SHANK2: variants seen among roughly 807,000 people sequenced by gnomAD.
The protein encoded by SHANK2 is SH3 and multiple ankyrin repeat domains protein 2.
Under a neutral mutation model 133.7 loss-of-function variants are expected in SHANK2, and 43 were observed. The observed-to-expected ratio is 0.32, with a 90% CI of 0.25 to 0.41. SHANK2 has a LOEUF of 0.41. SHANK2 is among the 10% of genes least tolerant of loss of function. SHANK2 has a pLI of 1.00. For missense variants in SHANK2, 1,994 were observed against 2,235.8 expected (o/e 0.89, Z 2.18); for synonymous variants, 1,017 against 952.8 (o/e 1.07, Z -1.24).
At chr11:70,844,665 G>T (rs879990276) in intron 11 of SHANK2, among the ~76,000 whole-genome samples, 1 of 152,256 alleles carries the variant, frequency 6.6e-6, no homozygotes, top group Admixed American at 6.5e-5. Flanking sequence ...CCTCAGACAG[G>T]GATTATCTCA....
intron 17 of SHANK2, among the ~76,000 whole-genome samples, chr11:70,636,635 G>A (rs188104773): frequency 6.6e-6 from 1 of 152,188 alleles, no homozygotes; most frequent in East Asian, 1.9e-4. Context: ...GAGCATGTGT[G>A]CAAATGTGTG....
chr11:70,829,544 G>C (rs764433731), intron 11 of SHANK2, among the ~76,000 whole-genome samples: 3 of 152,120 alleles, frequency 2.0e-5, no homozygotes, highest in Non-Finnish European at 4.4e-5. Context: ...CATCTGGTTT[G>C]GGGGCATGCG....
At chr11:71,105,102 A>G (rs2135188044) in intron 6 of SHANK2, among the ~76,000 whole-genome samples, 1 of 152,310 alleles carries the variant, frequency 6.6e-6, no homozygotes, top group Non-Finnish European at 1.5e-5. Flanking sequence ...AGGCAAGTGG[A>G]TAAGCAAACT....
rs200913716 is a variant in SHANK2 at position 70,612,796 on chromosome 11, C to CT, written c.2061+47031dup. On this transcript the variant is annotated intron_variant, in intron 17 of 25. Transcript: ENST00000601538. ...CAAATTTTACAGATATCATTTTGGC[C>CT]TTTTTTTCTTTGGAACTTTCCATAC... Among the ~76,000 whole-genome samples the CT allele has an allele frequency of 1.3e-3, 203 of 152,292 alleles. 1 individual carries two copies. The highest frequency in any genetic ancestry group is 4.4e-3 in the African/African-American group (182 of 41,570).
intron 2 of SHANK2, among the ~76,000 whole-genome samples, chr11:71,157,034 G>A (rs1348655131): frequency 6.6e-6 from 1 of 152,196 alleles, no homozygotes; most frequent in Non-Finnish European, 1.5e-5. Context: ...GTTAATGGGT[G>A]CAGCACACCA....
chr11:70,680,324 A>G (rs1340119935), intron 15 of SHANK2, among the ~76,000 whole-genome samples: 1 of 152,172 alleles, frequency 6.6e-6, no homozygotes. Context: ...AGCCTCTTAC[A>G]GTTCTGGGGG....
intron 17 of SHANK2, among the ~76,000 whole-genome samples, chr11:70,520,763 TATCAG>T (rs2059320554): frequency 1.3e-5 from 2 of 152,364 alleles, no homozygotes; most frequent in South Asian, 4.1e-4. Flanking sequence ...GTTGTTTATT[TATCAG>T]TGTGGACCCA....
At chr11:71,135,594 C>A (rs1952423458) in intron 3 of SHANK2, among the ~76,000 whole-genome samples, 1 of 148,976 alleles carries the variant, frequency 6.7e-6, no homozygotes, top group African/African-American at 2.5e-5. Flanking sequence ...TCAAGCAATT[C>A]TCGTGCCTCA....
intron 11 of SHANK2, among the ~76,000 whole-genome samples, chr11:70,890,669 C>G (rs1328322958): frequency 6.6e-6 from 1 of 151,798 alleles, no homozygotes; most frequent in African/African-American, 2.4e-5. Context: ...TATGGTAGCG[C>G]GTGCCTGTAA....
intron 9 of SHANK2, among the ~76,000 whole-genome samples, chr11:71,067,270 C>T (rs1431533712): frequency 6.6e-6 from 1 of 152,228 alleles, no homozygotes; most frequent in Non-Finnish European, 1.5e-5. Flanking sequence ...ACCACGTCTT[C>T]CTACCCTGGC....
chr11:70,635,850 C>T (rs562325107), intron 17 of SHANK2, among the ~76,000 whole-genome samples: 15 of 152,308 alleles, frequency 9.8e-5, no homozygotes, highest in African/African-American at 3.1e-4. Flanking sequence ...AACCCTCGGT[C>T]ACGCTCATCT....
chr11:70,616,292 G>T (rs2060740738), intron 17 of SHANK2, among the ~76,000 whole-genome samples: 1 of 152,054 alleles, frequency 6.6e-6, no homozygotes, highest in African/African-American at 2.4e-5. Context: ...GAAGGCCCAG[G>T]CCCTGCGTCT....
At chr11:70,924,938 T>C (rs1300308530) in intron 10 of SHANK2, among the ~76,000 whole-genome samples, 1 of 152,126 alleles carries the variant, frequency 6.6e-6, no homozygotes, top group Non-Finnish European at 1.5e-5. Flanking sequence ...ATTGGAAGCG[T>C]TCACCAGGAC....
intron 15 of SHANK2, among the ~76,000 whole-genome samples, chr11:70,689,211 A>C (rs1945224000): frequency 6.6e-6 from 1 of 152,234 alleles, no homozygotes; most frequent in African/African-American, 2.4e-5. Context: ...TGATTGACAA[A>C]ATAATAACTT....
intron 8 of SHANK2, among the ~76,000 whole-genome samples, chr11:71,085,514 A>G (rs1951367944): frequency 8.8e-6 from 1 of 113,012 alleles, no homozygotes; most frequent in South Asian, 2.4e-4. Flanking sequence ...ATGTTATATT[A>G]TATATGCTAT....
intron 14 of SHANK2, among the ~76,000 whole-genome samples, chr11:70,725,914 C>T (rs1362791982): frequency 6.6e-6 from 1 of 152,156 alleles, no homozygotes; most frequent in Non-Finnish European, 1.5e-5. Context: ...GCAAGGCAGA[C>T]GTGTTGTTCT....
intron 2 of SHANK2, among the ~76,000 whole-genome samples, chr11:71,193,837 TC>T (rs1435688443): frequency 6.6e-6 from 1 of 152,202 alleles, no homozygotes; most frequent in Non-Finnish European, 1.5e-5. Context: ...ACTGCCATTT[TC>T]CCTGTGTCTC....
intron 11 of SHANK2, among the ~76,000 whole-genome samples, chr11:70,861,926 T>C (rs1949264986): frequency 6.6e-6 from 1 of 151,534 alleles, no homozygotes; most frequent in South Asian, 2.1e-4. Flanking sequence ...CCAATTTGGA[T>C]AGGGTGGTCT....
intron 3 of SHANK2, among the ~76,000 whole-genome samples, chr11:71,146,590 A>G (rs7116023): frequency 0.29 from 44,579 of 152,132 alleles, 7,120 homozygotes; most frequent in East Asian, 0.52. Flanking sequence ...CATTAGGCCC[A>G]GGGCTGGAGG....
Sources: allele counts gnomAD v4.1 joint callset (sites outside exome capture counted in the v4.1 genomes callset), GRCh38; gene constraint gnomAD v4.1.1; transcripts MANE v1.5; gene names NCBI Gene and HGNC (gene_info 2026-07-23, HGNC 2026-07-21).